OSBPL8: variants seen among roughly 807,000 people sequenced by gnomAD.
OSBPL8 encodes oxysterol-binding protein-related protein 8.
A neutral mutation model predicts 125.5 loss-of-function variants in OSBPL8; 59 were observed. The observed-to-expected ratio is 0.47, with a 90% CI of 0.38 to 0.58. The LOEUF is 0.58. Ranked by LOEUF, OSBPL8 falls within the 20% of genes least tolerant of loss-of-function variation. OSBPL8 has a pLI of 0.00. For missense variants in OSBPL8, 758 were observed against 1,047.8 expected (o/e 0.72, Z 3.82); for synonymous variants, 330 against 338.9 (o/e 0.97, Z 0.29).
Position 76,454,539 on chromosome 12 carries a change from A to T in OSBPL8, c.80-3551T>A, listed in dbSNP as rs139257344. 1.7e-4 allele frequency among the ~76,000 whole-genome samples: 26 copies of T among 152,032 alleles called. No individual in the cohort carries two copies. The South Asian group carries it at 2.1e-3, about 12-fold the overall frequency. Reference sequence around the variant, plus strand: ...CCTATCTCTAAAAGAAATAAAAATTAAAAAAAGTTAGCTGGGCGTGGTAGC... The same window carrying T: ...CCTATCTCTAAAAGAAATAAAAATTTAAAAAAGTTAGCTGGGCGTGGTAGC... On this transcript the variant is annotated intron_variant, in intron 3 of 23. Transcript: ENST00000261183.
intron 1 of OSBPL8, among the ~76,000 whole-genome samples, chr12:76,536,260 G>A (rs1233755176): frequency 6.6e-6 from 1 of 152,000 alleles, no homozygotes; most frequent in African/African-American, 2.4e-5. Context: ...GGCGAGTCGG[G>A]CAGATCACCT....
chr12:76,413,801 T>C (rs1442577085), intron 4 of OSBPL8, among the ~76,000 whole-genome samples: 2 of 152,198 alleles, frequency 1.3e-5, no homozygotes, highest in East Asian at 3.8e-4. Flanking sequence ...GTCTATCTTT[T>C]CTTATTATAT....
chr12:76,378,608 A>C, intron 15 of OSBPL8, 58 bp from the exon 16 acceptor site: 7 of 1,218,048 alleles, frequency 5.7e-6, no homozygotes, highest in Non-Finnish European at 8.3e-6. Flanking sequence ...ATTCAAAACA[A>C]ACAAAATATA....
At chr12:76,553,681 GAA>G in intron 1 of OSBPL8, among the ~76,000 whole-genome samples, 1 of 116,964 alleles carries the variant, frequency 8.5e-6, no homozygotes, top group Middle Eastern at 4.9e-3. Flanking sequence ...TGTATCAGAA[GAA>G]AAAAAAAAAA....
intron 6 of OSBPL8, among the ~76,000 whole-genome samples, chr12:76,401,946 T>C (rs74103422): frequency 0.015 from 2,322 of 152,278 alleles, 44 homozygotes; most frequent in African/African-American, 0.049. Flanking sequence ...TGATAACCTA[T>C]TAGTGACTAC....
At chr12:76,460,187 T>A (rs1037196089) in intron 2 of OSBPL8, among the ~76,000 whole-genome samples, 1 of 152,174 alleles carries the variant, frequency 6.6e-6, no homozygotes, top group African/African-American at 2.4e-5. Context: ...TTTTGAAAAT[T>A]AAGTCAAAAA....
chr12:76,470,282 T>C (rs771370477), intron 2 of OSBPL8, among the ~76,000 whole-genome samples: 1 of 152,232 alleles, frequency 6.6e-6, no homozygotes, highest in Non-Finnish European at 1.5e-5. Context: ...ATTAAAGCTA[T>C]AACCTTGAGC....
chr12:76,385,061 A>C (rs182949069), intron 14 of OSBPL8, among the ~76,000 whole-genome samples: 1 of 152,322 alleles, frequency 6.6e-6, no homozygotes, highest in Admixed American at 6.5e-5. Flanking sequence ...TTAATAATCT[A>C]ATGCCTTCAA....
chr12:76,395,812 C>T (rs926974337), intron 8 of OSBPL8, among the ~76,000 whole-genome samples: 1 of 152,090 alleles, frequency 6.6e-6, no homozygotes, highest in African/African-American at 2.4e-5. Context: ...ATCACAAACA[C>T]TGGCTTCTAA....
intron 7 of OSBPL8, among the ~76,000 whole-genome samples, chr12:76,398,438 C>A (rs1953911490): frequency 6.6e-6 from 1 of 152,084 alleles, no homozygotes; most frequent in African/African-American, 2.4e-5. Context: ...TAAAGTATGC[C>A]ATTTAAATTT....
chr12:76,381,805 G>T (rs1953066477), intron 15 of OSBPL8, among the ~76,000 whole-genome samples: 1 of 151,020 alleles, frequency 6.6e-6, no homozygotes, highest in Admixed American at 6.6e-5. Flanking sequence ...CATGATCTCA[G>T]CTCATTGCAA....
At chr12:76,493,025 A>G (rs1878898874) in intron 1 of OSBPL8, among the ~76,000 whole-genome samples, 1 of 152,152 alleles carries the variant, frequency 6.6e-6, no homozygotes, top group African/African-American at 2.4e-5. Context: ...AGTTGCAGTC[A>G]AAAATAGTTG....
At chr12:76,447,309 A>G (rs1195969095) in intron 4 of OSBPL8, among the ~76,000 whole-genome samples, 1 of 152,216 alleles carries the variant, frequency 6.6e-6, no homozygotes, top group Non-Finnish European at 1.5e-5. Flanking sequence ...TTGTATCACT[A>G]GCAGCAGGAC....
At chr12:76,533,145 C>T (rs1032202414) in intron 1 of OSBPL8, among the ~76,000 whole-genome samples, 1 of 152,086 alleles carries the variant, frequency 6.6e-6, no homozygotes, top group African/African-American at 2.4e-5. Flanking sequence ...CATTTTAAAA[C>T]ACCATATATC....
At chr12:76,474,503 G>T (rs1876564061) in intron 2 of OSBPL8, among the ~76,000 whole-genome samples, 2 of 151,822 alleles carry the variant, frequency 1.3e-5, no homozygotes, top group Non-Finnish European at 2.9e-5. Context: ...TTGGGGGGAG[G>T]CAGAGTCTCA....
intron 2 of OSBPL8, among the ~76,000 whole-genome samples, chr12:76,475,687 C>T (rs979228894): frequency 3.9e-5 from 6 of 152,146 alleles, no homozygotes; most frequent in African/African-American, 1.4e-4. Flanking sequence ...AGTCCCCACC[C>T]GACCCTAGCC....
At chr12:76,425,470 T>G (rs1870034378) in intron 4 of OSBPL8, among the ~76,000 whole-genome samples, 1 of 152,208 alleles carries the variant, frequency 6.6e-6, no homozygotes, top group Non-Finnish European at 1.5e-5. Flanking sequence ...AAGGCTGTAC[T>G]GGAAGATAAA....
At chr12:76,482,645 C>A (rs1877644759) in intron 2 of OSBPL8, among the ~76,000 whole-genome samples, 1 of 152,036 alleles carries the variant, frequency 6.6e-6, no homozygotes, top group Non-Finnish European at 1.5e-5. Flanking sequence ...AGTGACTATC[C>A]TTAAGTTGAG....
intron 1 of OSBPL8, among the ~76,000 whole-genome samples, chr12:76,558,821 G>T (rs1480573062): frequency 6.6e-6 from 1 of 152,192 alleles, no homozygotes; most frequent in Admixed American, 6.5e-5. Flanking sequence ...TTCCACTCTT[G>T]AGAGAGGGCT....
Sources: allele counts gnomAD v4.1 joint callset (sites outside exome capture counted in the v4.1 genomes callset), GRCh38; gene constraint gnomAD v4.1.1; transcripts MANE v1.5; gene names NCBI Gene and HGNC (gene_info 2026-07-23, HGNC 2026-07-21).